Variants in SAMD12 observed in about 807,000 individuals in gnomAD.
SAMD12 encodes sterile alpha motif domain-containing protein 12.
In SAMD12, 9 loss-of-function variants were observed where a neutral mutation model predicts 15.0. The observed-to-expected ratio is 0.60, with a 90% CI of 0.36 to 1.05. SAMD12 has a LOEUF of 1.05. Among genes scored for constraint, SAMD12 ranks in the 50% least tolerant of loss-of-function variants. The pLI, the probability that SAMD12 is intolerant of heterozygous loss-of-function variation, is 0.01. For missense variants in SAMD12, 230 were observed against 234.2 expected (o/e 0.98, Z 0.12); for synonymous variants, 86 against 90.1 (o/e 0.96, Z 0.25).
chr8:118,197,796 G>A, intron 4 of SAMD12: 3 of 1,403,288 alleles, frequency 2.1e-6, no homozygotes, highest in Non-Finnish European at 2.0e-6. Flanking sequence ...GCACTGATAT[G>A]TAGCAATTAT....
intron 2 of SAMD12, among the ~76,000 whole-genome samples, chr8:118,500,559 A>G (rs1373245375): frequency 1.3e-5 from 2 of 151,968 alleles, no homozygotes; most frequent in African/African-American, 4.8e-5. Context: ...TAATCCCAGC[A>G]CTTTGGAAGG....
intron 2 of SAMD12, among the ~76,000 whole-genome samples, chr8:118,578,193 A>G (rs1421598729): frequency 2.0e-5 from 3 of 152,162 alleles, no homozygotes; most frequent in Non-Finnish European, 4.4e-5. Context: ...ATTTTCCCAC[A>G]TAAATACATA....
At chr8:118,217,814 T>C (rs1311327374) in intron 4 of SAMD12, among the ~76,000 whole-genome samples, 2 of 152,336 alleles carry the variant, frequency 1.3e-5, no homozygotes, top group East Asian at 1.9e-4. Flanking sequence ...GCACCCTCCA[T>C]AATGCCCTTC....
chr8:118,516,748 C>T (rs1202461756), intron 2 of SAMD12, among the ~76,000 whole-genome samples: 1 of 151,682 alleles, frequency 6.6e-6, no homozygotes, highest in African/African-American at 2.4e-5. Context: ...AAGCAATTCT[C>T]CTGCCTCAGC....
At chr8:118,198,425 C>T (rs897716407) in intron 4 of SAMD12, among the ~76,000 whole-genome samples, 1 of 152,154 alleles carries the variant, frequency 6.6e-6, no homozygotes, top group African/African-American at 2.4e-5. Context: ...GTACTCCCTA[C>T]AGTTCCTTAT....
At chr8:118,353,340 A>G (rs1372780160) in intron 4 of SAMD12, among the ~76,000 whole-genome samples, 1 of 151,386 alleles carries the variant, frequency 6.6e-6, no homozygotes, top group East Asian at 1.9e-4. Flanking sequence ...AGAAAAATTT[A>G]TATGTTGAAG....
intron 2 of SAMD12, among the ~76,000 whole-genome samples, chr8:118,450,740 C>T (rs1823056000): frequency 6.6e-6 from 1 of 152,028 alleles, no homozygotes; most frequent in South Asian, 2.1e-4. Flanking sequence ...ATTTTTCCAC[C>T]TCTTGAGTCT....
At chr8:118,600,482 T>C (rs541222018) in intron 1 of SAMD12, among the ~76,000 whole-genome samples, 3 of 152,264 alleles carry the variant, frequency 2.0e-5, no homozygotes, top group African/African-American at 4.8e-5. Flanking sequence ...GGTGATGATA[T>C]TGAGGAAAGG....
At chr8:118,555,096 C>A (rs1448839775) in intron 2 of SAMD12, among the ~76,000 whole-genome samples, 1 of 152,092 alleles carries the variant, frequency 6.6e-6, no homozygotes. Context: ...AATTCAACAA[C>A]CACAAAAGGG....
intron 2 of SAMD12, among the ~76,000 whole-genome samples, chr8:118,486,609 T>G (rs907142913): frequency 1.3e-5 from 2 of 152,148 alleles, no homozygotes; most frequent in Non-Finnish European, 2.9e-5. Flanking sequence ...TGGCCCTGCT[T>G]ATACCTTGAT....
intron 2 of SAMD12, among the ~76,000 whole-genome samples, chr8:118,558,901 C>T (rs929003181): frequency 6.6e-6 from 1 of 152,156 alleles, no homozygotes; most frequent in Non-Finnish European, 1.5e-5. Context: ...AGGCTTGAGG[C>T]TCAAGTGCTA....
At chr8:118,331,194 A>G (rs993242009) in intron 4 of SAMD12, among the ~76,000 whole-genome samples, 26 of 152,312 alleles carry the variant, frequency 1.7e-4, no homozygotes, top group African/African-American at 6.3e-4. Flanking sequence ...AAGGCAAGTG[A>G]AAGTGATCAA....
intron 2 of SAMD12, among the ~76,000 whole-genome samples, chr8:118,536,622 C>T (rs1301946473): frequency 6.6e-6 from 1 of 152,182 alleles, no homozygotes; most frequent in African/African-American, 2.4e-5. Flanking sequence ...ATTGCATAAA[C>T]AAACAAGCAA....
the SAMD12 span, among the ~76,000 whole-genome samples, chr8:118,165,631 T>A: frequency 6.0e-3 from 832 of 139,008 alleles, 13 homozygotes; most frequent in African/African-American, 0.023. Flanking sequence ...TATATATATA[T>A]ATATACATAT....
chr8:118,349,754 T>C (rs1817861939), intron 4 of SAMD12, among the ~76,000 whole-genome samples: 1 of 152,190 alleles, frequency 6.6e-6, no homozygotes, highest in South Asian at 2.1e-4. Flanking sequence ...ATCAGATGCA[T>C]CAAAGCTCGT....
intron 3 of SAMD12, among the ~76,000 whole-genome samples, chr8:118,437,465 A>G (rs932502820): frequency 7.9e-5 from 12 of 152,222 alleles, no homozygotes; most frequent in African/African-American, 1.7e-4. Flanking sequence ...GAGTCCTGAC[A>G]TGACTAATAG....
chr8:118,139,911 A>G, the SAMD12 span, among the ~76,000 whole-genome samples: 1 of 152,150 alleles, frequency 6.6e-6, no homozygotes, highest in Non-Finnish European at 1.5e-5. Context: ...GCAGCTCTGG[A>G]GTCATGGCTG....
chr8:118,621,792 A>G lies in SAMD12; in HGVS notation c.13+12T>C, dbSNP rs1299681605. On this transcript the variant is annotated intron_variant, in intron 1 of 3. Transcript: ENST00000314727. ...TAAGAGGGAGCTTAAAAATGCCCCAAGCGTCCCTTACCTTCCACAGCCATT... is the reference window on the plus strand; with the variant it reads ...TAAGAGGGAGCTTAAAAATGCCCCAGGCGTCCCTTACCTTCCACAGCCATT... 6.2e-7 allele frequency: 1 copy of G among 1,613,996 alleles called. No individual in the cohort carries two copies. The highest frequency in any genetic ancestry group is 2.2e-5 in the East Asian group (1 of 44,838).
chr8:118,610,985 C>T (rs1188214671), intron 1 of SAMD12, among the ~76,000 whole-genome samples: 1 of 152,118 alleles, frequency 6.6e-6, no homozygotes, highest in Non-Finnish European at 1.5e-5. Context: ...TTCTGATTTA[C>T]CTGAAAAGAT....
Sources: allele counts gnomAD v4.1 joint callset (sites outside exome capture counted in the v4.1 genomes callset), GRCh38; gene constraint gnomAD v4.1.1; transcripts MANE v1.5; gene names NCBI Gene and HGNC (gene_info 2026-07-23, HGNC 2026-07-21).